The following TENM3 variants were observed in gnomAD, a reference collection of about 807,000 sequenced individuals.
The protein encoded by TENM3 is teneurin-3.
Under a neutral mutation model 255.1 loss-of-function variants are expected in TENM3, and 63 were observed. The observed-to-expected ratio is 0.25, with a 90% CI of 0.20 to 0.30. The LOEUF is 0.30. Among genes scored for constraint, TENM3 ranks in the 10% least tolerant of loss-of-function variants. TENM3 has a pLI of 1.00. For missense variants in TENM3, 2,929 were observed against 3,461.1 expected, an observed-to-expected ratio of 0.85 and a Z score of 3.86; for synonymous variants, 1,306 against 1,322.3, an observed-to-expected ratio of 0.99 and a Z score of 0.27.
At chr4:182,451,043 C>T (rs992613015) in intron 3 of TENM3, among the ~76,000 whole-genome samples, 19 of 152,090 alleles carry the variant, frequency 1.2e-4, no homozygotes, top group African/African-American at 4.6e-4. Context: ...AGAAACTGCT[C>T]GGTAGCCCTG....
chr4:182,278,780 T>A (rs1410968221), intron 1 of TENM3, among the ~76,000 whole-genome samples: 1 of 151,886 alleles, frequency 6.6e-6, no homozygotes, highest in Non-Finnish European at 1.5e-5. Flanking sequence ...TCAATAGAGA[T>A]GAAAATTGGT....
At chr4:182,481,411 T>G (rs185425135) in intron 3 of TENM3, among the ~76,000 whole-genome samples, 2 of 152,342 alleles carry the variant, frequency 1.3e-5, no homozygotes, top group African/African-American at 4.8e-5. Flanking sequence ...TTAAACAATC[T>G]TTTGTGCTTA....
intron 12 of TENM3, among the ~76,000 whole-genome samples, chr4:182,704,344 G>C (rs1016190031): frequency 6.6e-6 from 1 of 152,172 alleles, no homozygotes; most frequent in African/African-American, 2.4e-5. Context: ...CACCTTGAGT[G>C]TTCCACTGTT....
the TENM3 span, among the ~76,000 whole-genome samples, chr4:181,963,723 T>A: frequency 6.6e-6 from 1 of 152,158 alleles, no homozygotes; most frequent in Non-Finnish European, 1.5e-5. Flanking sequence ...TAGCAGTGGA[T>A]AGAACGCAAA....
At chr4:181,893,487 G>GCCCCCC in the TENM3 span, among the ~76,000 whole-genome samples, 10 of 74,682 alleles carry the variant, frequency 1.3e-4, no homozygotes, top group Admixed American at 3.3e-4. Flanking sequence ...ACTTTCCCCT[G>GCCCCCC]CCCACCCCCC....
the TENM3 span, among the ~76,000 whole-genome samples, chr4:181,992,197 C>T: frequency 3.9e-5 from 6 of 152,100 alleles, no homozygotes; most frequent in Non-Finnish European, 8.8e-5. Context: ...CCAAAAGTCT[C>T]GGTACCTGAG....
At chr4:181,513,441 T>C in the TENM3 span, among the ~76,000 whole-genome samples, 84 of 152,268 alleles carry the variant, frequency 5.5e-4, no homozygotes, top group East Asian at 0.016. Context: ...CCGGAGGCCC[T>C]CAGGGTTTAG....
chr4:181,616,263 T>C, the TENM3 span, among the ~76,000 whole-genome samples: 2 of 129,660 alleles, frequency 1.5e-5, no homozygotes, highest in African/African-American at 5.8e-5. Context: ...GGACCTTCCC[T>C]GTATTAGTAA....
chr4:181,491,723 G>A, the TENM3 span, among the ~76,000 whole-genome samples: 27 of 152,182 alleles, frequency 1.8e-4, no homozygotes, highest in East Asian at 4.1e-3. Context: ...AGTTTGCAGA[G>A]ATGAGTGCTA....
the TENM3 span, among the ~76,000 whole-genome samples, chr4:182,080,820 C>A: frequency 3.6e-5 from 5 of 140,114 alleles, no homozygotes; most frequent in African/African-American, 1.3e-4. Context: ...AGGGAGACCC[C>A]GCCTTTATAA....
chr4:182,769,487 T>C (rs1218028390), intron 22 of TENM3, among the ~76,000 whole-genome samples: 1 of 152,146 alleles, frequency 6.6e-6, no homozygotes, highest in East Asian at 1.9e-4. Context: ...TCATTGCTTT[T>C]AAAGAGCAGT....
chr4:182,051,893 A>G, the TENM3 span, among the ~76,000 whole-genome samples: 14,027 of 152,212 alleles, frequency 0.092, 714 homozygotes, highest in East Asian at 0.16. Flanking sequence ...ACAAAGCACT[A>G]AAGATTACCC....
chr4:182,280,883 G>A (rs1760336777), intron 1 of TENM3, among the ~76,000 whole-genome samples: 1 of 152,200 alleles, frequency 6.6e-6, no homozygotes, highest in Non-Finnish European at 1.5e-5. Flanking sequence ...TAGCCTCTAA[G>A]TTACCAGCAG....
chr4:182,160,043 C>T (rs1312491278), intron 1 of TENM3, among the ~76,000 whole-genome samples: 1 of 145,084 alleles, frequency 6.9e-6, no homozygotes, highest in African/African-American at 2.5e-5. Context: ...CGCTCTGTCG[C>T]CCAGGCTGGA....
chr4:182,298,841 C>T (rs1275268708), intron 1 of TENM3, among the ~76,000 whole-genome samples: 5 of 151,366 alleles, frequency 3.3e-5, no homozygotes, highest in South Asian at 2.1e-4. Flanking sequence ...GGCGTGATGG[C>T]GCCCACCTGT....
intron 1 of TENM3, among the ~76,000 whole-genome samples, chr4:182,204,282 T>C (rs191653414): frequency 2.0e-5 from 3 of 152,298 alleles, no homozygotes; most frequent in Admixed American, 2.0e-4. Flanking sequence ...GTGTTATCTT[T>C]AGGCTCATGT....
chr4:182,248,791 C>T (rs931276797), intron 1 of TENM3, among the ~76,000 whole-genome samples: 31 of 152,134 alleles, frequency 2.0e-4, no homozygotes, highest in African/African-American at 7.2e-4. Flanking sequence ...CTGCTGTTAC[C>T]GAGTTCCTCA....
At chr4:181,603,598 TA>T in the TENM3 span, among the ~76,000 whole-genome samples, 2,206 of 152,126 alleles carry the variant, frequency 0.015, 31 homozygotes, top group South Asian at 0.049. Context: ...AAAGTCTCAG[TA>T]AAAAATGATA....
the TENM3 span, among the ~76,000 whole-genome samples, chr4:181,832,904 G>A: frequency 6.6e-6 from 1 of 152,144 alleles, no homozygotes. Context: ...TGGAAGGACC[G>A]TGCTCCAGAA....
Sources: allele counts gnomAD v4.1 joint callset (sites outside exome capture counted in the v4.1 genomes callset), GRCh38; gene constraint gnomAD v4.1.1; transcripts MANE v1.5; gene names NCBI Gene and HGNC (gene_info 2026-07-23, HGNC 2026-07-21).